The following CD8B2 variants were observed in gnomAD, a reference collection of about 807,000 sequenced individuals.
The protein encoded by CD8B2 is CD8B family member 2.
In CD8B2, 11 loss-of-function variants were observed where a neutral mutation model predicts 23.7. The observed-to-expected ratio is 0.46, with a 90% CI of 0.29 to 0.77. The LOEUF (loss-of-function observed/expected upper bound fraction) is 0.77. CD8B2 is among the 30% of genes least tolerant of loss of function. The pLI is 0.09. For synonymous variants in CD8B2, 90 were observed against 109.3 expected, an observed-to-expected ratio of 0.82 and a Z score of 1.10; for missense variants, 197 against 270.5, an observed-to-expected ratio of 0.73 and a Z score of 1.91.
chr2:106,491,683 G>A (rs1184173092), intron 2 of CD8B2, among the ~76,000 whole-genome samples: 4 of 152,080 alleles, frequency 2.6e-5, no homozygotes, highest in Non-Finnish European at 4.4e-5. Flanking sequence ...GAGTAGCTGG[G>A]ATTACAGGCA....
rs57648205 is a variant in CD8B2 at position 106,531,226 on chromosome 2, C to T, written c.621-12766C>T. ...TTCAGACTAGGTTTTGGGAGTCATC[C>T]AGAAAGTGATTTAGCTCATGACACT... On this transcript the variant is annotated intron_variant, in intron 5 of 5. Coordinates refer to the CD8B2 transcript ENST00000416057. Among the ~76,000 whole-genome samples the T allele has an allele frequency of 6.1e-3, 931 of 152,214 alleles. 11 individuals are homozygous for T. Among genetic ancestry groups the T allele is most frequent in the African/African-American group, 0.021 (860 of 41,530 alleles).
intron 2 of CD8B2, among the ~76,000 whole-genome samples, chr2:106,495,431 C>T (rs1679280584): frequency 6.6e-6 from 1 of 152,128 alleles, no homozygotes; most frequent in African/African-American, 2.4e-5. Flanking sequence ...CCCAGCTACT[C>T]TGGAGGCTGA....
At chr2:106,512,220 C>T (rs1679645745), downstream of CD8B2, among the ~76,000 whole-genome samples, 1 of 152,092 alleles carries the variant, frequency 6.6e-6, no homozygotes, top group Admixed American at 6.5e-5. Flanking sequence ...GGACTATGGG[C>T]ATGCACTACC....
rs1285495018 is a variant in CD8B2, at chr2:106,510,917, T to G, written c.*3977T>G. On this transcript the variant is annotated 3_prime_UTR_variant, in exon 6 of 6. Transcript: ENST00000643224. ...ATAAATCAAGGCCTCCGGGTATATT[T>G]GTTTGTATATGTACAGGAAAAGGTC... is the stretch of plus-strand genomic sequence containing the variant. The G allele has an allele frequency of 1.3e-5, 2 of 152,190 alleles. No individual in the cohort carries two copies. The highest frequency in any genetic ancestry group is 2.9e-5 in the Non-Finnish European group (2 of 68,034). 9.4% of individuals were successfully genotyped at this position (152,190 alleles called of 1,614,324 possible).
At chr2:106,501,146 G>A (rs73952238) in intron 3 of CD8B2, among the ~76,000 whole-genome samples, 1 of 152,106 alleles carries the variant, frequency 6.6e-6, no homozygotes, top group African/African-American at 2.4e-5. Flanking sequence ...CCTCAGGAAG[G>A]CACCTTTGTA....
At chr2:106,493,159 T>A (rs1679226032) in intron 2 of CD8B2, among the ~76,000 whole-genome samples, 1 of 152,154 alleles carries the variant, frequency 6.6e-6, no homozygotes, top group African/African-American at 2.4e-5. Context: ...CCCCAGGGCT[T>A]GCAATCAGAC....
rs535080722 is a variant in CD8B2 at position 106,492,726 on chromosome 2, G to A, written c.403+1493G>A. Among the ~76,000 whole-genome samples, 437 of 152,280 alleles carry A rather than the reference G, an allele frequency of 2.9e-3. 3 individuals carry two copies. The highest frequency in any genetic ancestry group is 1.0e-2 in the African/African-American group (415 of 41,548). On this transcript the variant is annotated intron_variant, in intron 2 of 5. Coordinates refer to ENST00000643224, the MANE Select transcript of CD8B2 (RefSeq NM_001349727.2). Reference sequence around the variant, plus strand: ...GGACCCAGAAATTAGACCACTCAGCGTGAGGAAGTGCAGGGGCAGCTGGGG... The same window carrying A: ...GGACCCAGAAATTAGACCACTCAGCATGAGGAAGTGCAGGGGCAGCTGGGG...
intron 2 of CD8B2, among the ~76,000 whole-genome samples, chr2:106,494,376 G>A (rs560130688): frequency 6.2e-4 from 94 of 152,192 alleles, no homozygotes; most frequent in African/African-American, 2.2e-3. Context: ...TTGGATTCCT[G>A]ACCTCAGGTG....
At chr2:106,537,042 C>T (rs553271417) in intron 5 of CD8B2, among the ~76,000 whole-genome samples, 2 of 152,128 alleles carry the variant, frequency 1.3e-5, no homozygotes, top group African/African-American at 4.8e-5. Flanking sequence ...GCTCTAGGTG[C>T]CCTTTGTCTG....
chr2:106,500,925 A>G (rs1679393399), intron 3 of CD8B2, among the ~76,000 whole-genome samples: 1 of 152,168 alleles, frequency 6.6e-6, no homozygotes, highest in Non-Finnish European at 1.5e-5. Context: ...CAAAGCTTAT[A>G]AGAAATTAGG....
chr2:106,491,751 G>T (rs1679200860), intron 2 of CD8B2, among the ~76,000 whole-genome samples: 1 of 152,130 alleles, frequency 6.6e-6, no homozygotes, highest in East Asian at 1.9e-4. Context: ...ATTTCACCAT[G>T]TTGGCCAGGT....
At chr2:106,488,476 G>A (rs1031326467) in intron 1 of CD8B2, among the ~76,000 whole-genome samples, 6 of 152,204 alleles carry the variant, frequency 3.9e-5, no homozygotes, top group Non-Finnish European at 7.4e-5. Flanking sequence ...AGCCAGGAGA[G>A]GAAATGCACA....
rs181758383 is a variant in CD8B2 at position 106,541,818 on chromosome 2, T to G, written c.621-2174T>G. On this transcript the variant is annotated intron_variant, in intron 5 of 5. Coordinates refer to the CD8B2 transcript ENST00000416057. The stretch of plus-strand genomic sequence containing the variant: ...TGGAAAGTCACTGGAATAGAGAACC[T>G]ACCAACATATTTCATCCCTTCTATC... Among the ~76,000 whole-genome samples, 553 of 152,322 alleles carry G rather than the reference T, an allele frequency of 3.6e-3. 4 individuals carry two copies. Among genetic ancestry groups the G allele is most frequent in the African/African-American group, 0.012 (515 of 41,562 alleles).
rs1220512738 is a variant in CD8B2, at chr2:106,527,712, G to A, written c.621-16280G>A. 2.6e-5 allele frequency among the ~76,000 whole-genome samples: 4 copies of A among 152,216 alleles called. No homozygotes were observed. In the East Asian group the frequency reaches 7.7e-4, roughly 29 times the overall value. ...GGCAGAGAATTGCTTGAACCAGGGA[G>A]GTGGAGGTTGCAGTGAGCCGATATT... is the stretch of plus-strand genomic sequence containing the variant. On this transcript the variant is annotated intron_variant, in intron 5 of 5. Transcript: ENST00000416057.
downstream of CD8B2, among the ~76,000 whole-genome samples, chr2:106,511,318 G>A (rs1679627084): frequency 6.6e-6 from 1 of 152,168 alleles, no homozygotes; most frequent in Admixed American, 6.5e-5. Flanking sequence ...GGCAGGGGTG[G>A]TCTGCACTCC....
At chr2:106,524,307 T>C (rs1329693691) in intron 5 of CD8B2, among the ~76,000 whole-genome samples, 1 of 152,214 alleles carries the variant, frequency 6.6e-6, no homozygotes. Context: ...TTGTTTCTGA[T>C]GCCCGAGGCC....
chr2:106,541,970 C>T (rs1185049530), intron 5 of CD8B2, among the ~76,000 whole-genome samples: 2 of 152,152 alleles, frequency 1.3e-5, no homozygotes, highest in Admixed American at 6.5e-5. Flanking sequence ...GCTGTTCACT[C>T]TCTGGCGGGA....
At chr2:106,524,885 G>T (rs924937884) in intron 5 of CD8B2, among the ~76,000 whole-genome samples, 1 of 152,138 alleles carries the variant, frequency 6.6e-6, no homozygotes, top group African/African-American at 2.4e-5. Context: ...CATCATGTCT[G>T]AGGCCCACGT....
At chr2:106,501,972 T>C (rs1330859579) in intron 3 of CD8B2, among the ~76,000 whole-genome samples, 3 of 152,134 alleles carry the variant, frequency 2.0e-5, no homozygotes, top group Non-Finnish European at 4.4e-5. Context: ...TATAATAAAA[T>C]GATTTCAATA....
Sources: allele counts gnomAD v4.1 joint callset (sites outside exome capture counted in the v4.1 genomes callset), GRCh38; gene constraint gnomAD v4.1.1; transcripts MANE v1.5; gene names NCBI Gene and HGNC (gene_info 2026-07-23, HGNC 2026-07-21).